PRDM6: variants seen among roughly 807,000 people sequenced by gnomAD.
PRDM6 encodes PR/SET domain 6.
In PRDM6, 25 loss-of-function variants were observed where a neutral mutation model predicts 60.8. The ratio of observed to expected loss-of-function variants is 0.41; its 90% CI spans 0.30 to 0.57. The LOEUF (loss-of-function observed/expected upper bound fraction) is 0.57. PRDM6 is among the 20% of genes least tolerant of loss of function. The pLI, the probability that PRDM6 is intolerant of heterozygous loss-of-function variation, is 0.27. For missense variants in PRDM6, 839 were observed against 821.3 expected, an observed-to-expected ratio of 1.02 and a Z score of -0.26; for synonymous variants, 407 against 357.4, an observed-to-expected ratio of 1.14 and a Z score of -1.57.
intron 3 of PRDM6, among the ~76,000 whole-genome samples, chr5:123,125,820 G>C (rs1035408868): frequency 1.3e-5 from 2 of 152,220 alleles, no homozygotes; most frequent in Non-Finnish European, 2.9e-5. Context: ...TGAAGACAGG[G>C]AGTTTCATGC....
chr5:123,159,566 C>A lies in PRDM6; in HGVS notation c.1081C>A (p.Leu361Met). 2 of 1,551,516 alleles carry A rather than the reference C, an allele frequency of 1.3e-6. No homozygotes were observed. Among genetic ancestry groups the A allele is most frequent in the Non-Finnish European group, 1.7e-6 (2 of 1,146,800 alleles). ...CIDIPRGTELLVWYNDSYTSF... is the reference protein window; with the variant it reads ...CIDIPRGTELMVWYNDSYTSF... ...AGATATCCCTAGGGGCACCGAGCTTCTGGTGTGGTACAATGACAGCTATAC... is the reference window on the plus strand; with the variant it reads ...AGATATCCCTAGGGGCACCGAGCTTATGGTGTGGTACAATGACAGCTATAC... The change falls in exon 5 of 8, where the codon CTG becomes ATG. Residue 361 changes from leucine (L) to methionine (M), a missense_variant. This residue lies in a region of PRDM6 where 730 missense variants were observed against 648.8 expected (regional missense o/e 1.13). Transcript: ENST00000407847.
intron 3 of PRDM6, 81 bp downstream of exon 3, chr5:123,100,042 C>T: frequency 1.4e-6 from 2 of 1,387,986 alleles, no homozygotes; most frequent in African/African-American, 1.5e-5. Flanking sequence ...GGGAGCCTGG[C>T]CTTTGGCTGT....
chr5:123,106,117 A>G (rs543281704), intron 3 of PRDM6, among the ~76,000 whole-genome samples: 1 of 152,374 alleles, frequency 6.6e-6, no homozygotes, highest in Admixed American at 6.5e-5. Flanking sequence ...ACAGAGGCCA[A>G]TCAGTGCACC....
intron 7 of PRDM6, among the ~76,000 whole-genome samples, chr5:123,180,598 A>G (rs1441330784): frequency 1.3e-5 from 2 of 152,230 alleles, no homozygotes; most frequent in Admixed American, 6.5e-5. Context: ...AAGAGGTAGG[A>G]GTAAATAATT....
At chr5:123,118,478 C>G (rs962025124) in intron 3 of PRDM6, among the ~76,000 whole-genome samples, 2 of 152,168 alleles carry the variant, frequency 1.3e-5, no homozygotes, top group Non-Finnish European at 2.9e-5. Flanking sequence ...ATGAAGAGAA[C>G]ATGGGTTTGA....
intron 3 of PRDM6, among the ~76,000 whole-genome samples, chr5:123,147,818 C>T (rs1443088144): frequency 6.6e-6 from 1 of 152,206 alleles, no homozygotes; most frequent in Non-Finnish European, 1.5e-5. Context: ...ACAGACAGAG[C>T]ATGCCTGAAG....
At chr5:123,125,806 T>C (rs1369441849) in intron 3 of PRDM6, among the ~76,000 whole-genome samples, 1 of 152,216 alleles carries the variant, frequency 6.6e-6, no homozygotes, top group East Asian at 1.9e-4. Context: ...CAAAAGAGTC[T>C]CATTGAAGAC....
chr5:123,187,321 G>C lies in PRDM6; in HGVS notation c.*120G>C, dbSNP rs1766311443. Reference sequence around the variant, plus strand: ...AATCAGTCCCAGAAAACCAAAAGCAGTAATAAAATAAGTAAGATGTTAAGA... The same window carrying C: ...AATCAGTCCCAGAAAACCAAAAGCACTAATAAAATAAGTAAGATGTTAAGA... On this transcript the variant is annotated 3_prime_UTR_variant, in exon 8 of 8. Coordinates refer to ENST00000407847, the MANE Select transcript of PRDM6 (RefSeq NM_001136239.4). 1 of 663,534 alleles carries C rather than the reference G, an allele frequency of 1.5e-6. No individual in the cohort carries two copies. The highest frequency in any genetic ancestry group is 2.7e-6 in the Non-Finnish European group (1 of 373,390). The allele number at this position is 663,534 out of a possible 1,614,324, so 41.1% of individuals were successfully genotyped here. A position where few individuals can be genotyped will look rare whatever the true frequency, so the allele number is the denominator to read the frequency against.
intron 3 of PRDM6, among the ~76,000 whole-genome samples, chr5:123,121,304 T>C (rs1445802201): frequency 6.6e-6 from 1 of 152,210 alleles, no homozygotes; most frequent in Non-Finnish European, 1.5e-5. Context: ...TTGAATATTT[T>C]TTTCTTTCTA....
chr5:123,090,187 C>T lies in PRDM6; in HGVS notation c.173C>T (p.Pro58Leu), dbSNP rs1159380796. Residue 58 changes from proline to leucine, a missense_variant, in exon 2 of 8, where the codon CCC becomes CTC. This residue lies in a region of PRDM6 where 730 missense variants were observed against 648.8 expected (regional missense o/e 1.13). Coordinates refer to ENST00000407847, the MANE Select transcript of PRDM6 (RefSeq NM_001136239.4). ...QPLQPPPPPP[P>L]PERAEPPPDS... ...CTTCAGCCGCCGCCGCCGCCCCCGC[C>T]CCCGGAGCGCGCTGAGCCTCCGCCG... is the stretch of plus-strand genomic sequence containing the variant. 1.3e-5 allele frequency: 20 copies of T among 1,488,140 alleles called. No individual in the cohort carries two copies. The East Asian group carries it at 1.5e-4, about 11-fold the overall frequency. The allele number at this position is 1,488,140 out of a possible 1,614,324, so 92.2% of individuals were successfully genotyped here.
At chr5:123,145,892 G>C (rs749591367) in intron 3 of PRDM6, among the ~76,000 whole-genome samples, 1 of 152,108 alleles carries the variant, frequency 6.6e-6, no homozygotes, top group African/African-American at 2.4e-5. Context: ...TAAAGCTGTT[G>C]CCTGCTCTGA....
chr5:123,098,266 C>A (rs1466775664), intron 2 of PRDM6, among the ~76,000 whole-genome samples: 1 of 152,266 alleles, frequency 6.6e-6, no homozygotes, highest in Non-Finnish European at 1.5e-5. Context: ...CAGTGGCCAG[C>A]TTTCACCGTG....
In PRDM6 at chr5:123,090,066, GC is replaced by G; in HGVS notation, c.54del (p.Tyr19ThrfsTer26). The G allele has an allele frequency of 6.5e-7, 1 of 1,548,402 alleles. No homozygotes were observed. The highest frequency in any genetic ancestry group is 8.7e-7 in the Non-Finnish European group (1 of 1,146,100). ...TTCGGCCTTCCTCAAAGTGGACCCAGCCTACCTGCAGCACTGGCAGCAACTC... is the reference window on the plus strand; with the variant it reads ...TTCGGCCTTCCTCAAAGTGGACCCAGCTACCTGCAGCACTGGCAGCAACTC... ...GGSAFLKVDP[A>X]YLQHWQQLFP... is the part of the protein sequence containing the mutation. On this transcript the variant is annotated frameshift_variant, in exon 2 of 8. Coordinates refer to ENST00000407847, the MANE Select transcript of PRDM6 (RefSeq NM_001136239.4). LOFTEE classifies it high-confidence loss of function.
At chr5:123,185,161 C>T (rs995453703) in intron 7 of PRDM6, among the ~76,000 whole-genome samples, 3 of 152,106 alleles carry the variant, frequency 2.0e-5, no homozygotes, top group African/African-American at 7.2e-5. Flanking sequence ...TACACTTTTG[C>T]CTTATATGAA....
intron 3 of PRDM6, among the ~76,000 whole-genome samples, chr5:123,110,394 GA>G (rs1265180500): frequency 6.6e-6 from 1 of 150,986 alleles, no homozygotes; most frequent in East Asian, 2.0e-4. Context: ...GAGTAGCTGG[GA>G]TTACAGGCAG....
intron 6 of PRDM6, among the ~76,000 whole-genome samples, chr5:123,176,602 T>G (rs1304443342): frequency 6.6e-6 from 1 of 152,080 alleles, no homozygotes; most frequent in Non-Finnish European, 1.5e-5. Flanking sequence ...TCCCAGCTAC[T>G]CAGGAGGCTG....
chr5:123,175,054 T>C (rs547624372), intron 6 of PRDM6, among the ~76,000 whole-genome samples: 18 of 152,256 alleles, frequency 1.2e-4, no homozygotes, highest in Middle Eastern at 6.8e-3. Context: ...TAGGCCAAAG[T>C]AGCTTTTCTT....
At chr5:123,106,627 A>C (rs335143) in intron 3 of PRDM6, among the ~76,000 whole-genome samples, 29,883 of 152,218 alleles carry the variant, frequency 0.2, 3,219 homozygotes, top group East Asian at 0.38. Context: ...AAGGCTCAGC[A>C]GTGTGAAACT....
intron 7 of PRDM6, among the ~76,000 whole-genome samples, chr5:123,181,067 G>T (rs562429923): frequency 6.6e-6 from 1 of 152,188 alleles, no homozygotes; most frequent in Non-Finnish European, 1.5e-5. Context: ...GTGCAAGATG[G>T]TCTATTCATT....
Sources: gnomAD v4.1 joint callset for allele counts (sites outside exome capture counted in the v4.1 genomes callset) on GRCh38, gnomAD v4.1.1 for gene constraint, gnomAD v4.1.1 regional missense constraint, MANE v1.5 for transcripts, NCBI Gene and HGNC (gene_info 2026-07-23, HGNC 2026-07-21) for gene names.